Variants in MARCHF1 observed in about 807,000 individuals in gnomAD.
The protein encoded by MARCHF1 is membrane associated ring-CH-type finger 1.
Under a neutral mutation model 54.2 loss-of-function variants are expected in MARCHF1, and 40 were observed. That is an observed-to-expected ratio of 0.74 (90% CI 0.57 to 0.96). The LOEUF is 0.96. MARCHF1 is among the 40% of genes least tolerant of loss of function. MARCHF1 has a pLI of 0.00. For missense variants in MARCHF1, 586 were observed against 656.5 expected (o/e 0.89, Z 1.17); for synonymous variants, 236 against 236.3 (o/e 1.00, Z 0.01).
chr4:163,589,048 C>G (rs1560959119), intron 7 of MARCHF1, among the ~76,000 whole-genome samples: 2 of 147,838 alleles, frequency 1.4e-5, no homozygotes, highest in Admixed American at 1.4e-4. Flanking sequence ...CCTGTTGCTT[C>G]CATGAACAAA....
chr4:164,216,145 C>G (rs1054965308), intron 1 of MARCHF1, among the ~76,000 whole-genome samples: 2 of 152,140 alleles, frequency 1.3e-5, no homozygotes, highest in Admixed American at 6.5e-5. Flanking sequence ...ACAAAAAAAT[C>G]TGTCTATAAT....
At chr4:163,869,536 A>G (rs1750125242) in intron 3 of MARCHF1, among the ~76,000 whole-genome samples, 1 of 152,102 alleles carries the variant, frequency 6.6e-6, no homozygotes, top group South Asian at 2.1e-4. Context: ...AGAATTCACA[A>G]TCAAATAAAA....
At chr4:164,021,232 G>A (rs1281130110) in intron 2 of MARCHF1, among the ~76,000 whole-genome samples, 2 of 152,078 alleles carry the variant, frequency 1.3e-5, no homozygotes, top group Non-Finnish European at 2.9e-5. Context: ...CTGCCTAATT[G>A]TGGTCTAGCC....
chr4:163,696,608 A>G (rs1171443809), intron 5 of MARCHF1, among the ~76,000 whole-genome samples: 1 of 152,166 alleles, frequency 6.6e-6, no homozygotes, highest in Non-Finnish European at 1.5e-5. Flanking sequence ...TAGACTGAAG[A>G]TAATGCATTC....
At chr4:164,243,566 C>T (rs1363469087) in intron 1 of MARCHF1, among the ~76,000 whole-genome samples, 2 of 151,568 alleles carry the variant, frequency 1.3e-5, no homozygotes, top group Non-Finnish European at 2.9e-5. Context: ...GCAAAATAAC[C>T]AGCTAACATC....
At chr4:163,616,610 C>T (rs141152205) in intron 5 of MARCHF1, among the ~76,000 whole-genome samples, 213 of 152,054 alleles carry the variant, frequency 1.4e-3, no homozygotes, top group East Asian at 4.5e-3. Flanking sequence ...ATGGGCATGG[C>T]GGTGCATGCC....
intron 7 of MARCHF1, among the ~76,000 whole-genome samples, chr4:163,598,478 T>C (rs2110876095): frequency 6.6e-6 from 1 of 152,366 alleles, no homozygotes; most frequent in Non-Finnish European, 1.5e-5. Flanking sequence ...ACAAGCCTGA[T>C]GGTGTAGCCT....
chr4:163,955,488 C>T (rs1297346394), intron 3 of MARCHF1, among the ~76,000 whole-genome samples: 1 of 152,022 alleles, frequency 6.6e-6, no homozygotes, highest in African/African-American at 2.4e-5. Flanking sequence ...TGTATTCTCT[C>T]ACAACTCATA....
chr4:164,335,988 A>G (rs1443952188), intron 1 of MARCHF1, among the ~76,000 whole-genome samples: 2 of 152,180 alleles, frequency 1.3e-5, no homozygotes, highest in East Asian at 3.8e-4. Flanking sequence ...TTCACCAAAA[A>G]TAAGTAGCTG....
intron 3 of MARCHF1, among the ~76,000 whole-genome samples, chr4:163,895,215 A>C (rs1002321044): frequency 6.6e-6 from 1 of 152,190 alleles, no homozygotes; most frequent in Non-Finnish European, 1.5e-5. Context: ...TTTACAAGGA[A>C]GTTTTCAGCA....
Position 163,528,997 on chromosome 4 carries a change from G to A in MARCHF1, c.1389C>T (p.Gly463=), listed in dbSNP as rs763364743. 1.6e-5 allele frequency: 26 copies of A among 1,612,226 alleles called. No homozygotes were observed. The South Asian group carries it at 2.7e-4, about 17-fold the overall frequency. The part of the protein sequence containing the change: ...FWTKLVVVAI[G]FTGGLVFMYV... ...ACATGAAGACAAGACCTCCTGTGAAGCCAATGGCTACCACAACCAGTTTTG... is the reference window on the plus strand; with the variant it reads ...ACATGAAGACAAGACCTCCTGTGAAACCAATGGCTACCACAACCAGTTTTG... The change falls in exon 10 of 10, where the codon GGC becomes GGT. Residue 463 remains glycine (G), a synonymous_variant. Coordinates refer to ENST00000514618, the MANE Select transcript of MARCHF1 (RefSeq NM_001394959.1).
At chr4:164,197,851 TATAATAA>T in intron 1 of MARCHF1, 1 of 1,418,884 alleles carries the variant, frequency 7.0e-7, no homozygotes, top group Non-Finnish European at 9.3e-7. Flanking sequence ...TTACAAATAT[TATAATAA>T]AGGGACTGAT....
intron 4 of MARCHF1, among the ~76,000 whole-genome samples, chr4:163,752,853 C>T (rs1746564573): frequency 6.6e-6 from 1 of 152,156 alleles, no homozygotes; most frequent in Non-Finnish European, 1.5e-5. Context: ...TCGACAACAT[C>T]AAATCTTGGC....
intron 1 of MARCHF1, among the ~76,000 whole-genome samples, chr4:164,166,645 A>G (rs903922188): frequency 1.3e-4 from 20 of 151,936 alleles, no homozygotes; most frequent in African/African-American, 4.8e-4. Flanking sequence ...AAGTACTAGC[A>G]GGAGCAATCA....
chr4:164,369,327 G>A (rs933512009), intron 1 of MARCHF1, among the ~76,000 whole-genome samples: 1 of 152,192 alleles, frequency 6.6e-6, no homozygotes, highest in Non-Finnish European at 1.5e-5. Flanking sequence ...TGGAAAATAG[G>A]CATAAAGATT....
intron 5 of MARCHF1, among the ~76,000 whole-genome samples, chr4:163,687,983 A>G (rs1464173778): frequency 1.3e-5 from 2 of 152,210 alleles, no homozygotes; most frequent in South Asian, 4.1e-4. Context: ...AGACAGCCCA[A>G]TTGGGTAGTT....
chr4:163,877,525 C>T (rs1436633078), intron 3 of MARCHF1, among the ~76,000 whole-genome samples: 1 of 150,320 alleles, frequency 6.7e-6, no homozygotes, highest in East Asian at 2.0e-4. Context: ...ACACTTTCTC[C>T]CTGTCTGAAA....
intron 8 of MARCHF1, 64 bp downstream of exon 8, chr4:163,585,685 G>T (rs1288698588): frequency 1.1e-5 from 14 of 1,303,944 alleles, no homozygotes; most frequent in Non-Finnish European, 1.3e-5. Flanking sequence ...AAAGGAAATA[G>T]ATTTCTAAAA....
At chr4:163,602,144 A>C (rs1415454461) in intron 7 of MARCHF1, among the ~76,000 whole-genome samples, 4 of 152,056 alleles carry the variant, frequency 2.6e-5, no homozygotes, top group Non-Finnish European at 4.4e-5. Flanking sequence ...TTATCCATTC[A>C]AAATACAAAT....
Sources: allele counts gnomAD v4.1 joint callset (sites outside exome capture counted in the v4.1 genomes callset), GRCh38; gene constraint gnomAD v4.1.1; transcripts MANE v1.5; gene names NCBI Gene and HGNC (gene_info 2026-07-23, HGNC 2026-07-21).